Variants in SBF2 observed in about 807,000 individuals in gnomAD.
SBF2 encodes SET binding factor 2.
Under a neutral mutation model 225.2 loss-of-function variants are expected in SBF2, and 112 were observed. The observed-to-expected ratio is 0.50, with a 90% CI of 0.43 to 0.58. The LOEUF is 0.58. SBF2 is among the 20% of genes least tolerant of loss of function. SBF2 has a pLI of 0.00. For synonymous variants in SBF2, 763 were observed against 773.3 expected (o/e 0.99, Z 0.22); for missense variants, 1,996 against 2,206.2 (o/e 0.90, Z 1.91).
intron 13 of SBF2, among the ~76,000 whole-genome samples, chr11:9,971,523 T>A (rs1416214778): frequency 3.3e-5 from 5 of 151,566 alleles, no homozygotes; most frequent in Non-Finnish European, 7.4e-5. Context: ...TACAAAAAAA[T>A]AAAAAATTAG....
At chr11:9,848,062 C>A (rs770343421) in intron 22 of SBF2, among the ~76,000 whole-genome samples, 1 of 149,924 alleles carries the variant, frequency 6.7e-6, no homozygotes, top group Non-Finnish European at 1.5e-5. Context: ...TGGCAATGAA[C>A]AAGGCCTCCC....
intron 18 of SBF2, among the ~76,000 whole-genome samples, chr11:9,857,093 A>G (rs1590236570): frequency 6.6e-6 from 1 of 152,202 alleles, no homozygotes; most frequent in Admixed American, 6.5e-5. Context: ...GGCCTAACAT[A>G]GATGTTTTAA....
intron 2 of SBF2, among the ~76,000 whole-genome samples, chr11:10,055,245 C>T (rs907582486): frequency 1.3e-5 from 2 of 151,962 alleles, no homozygotes; most frequent in African/African-American, 4.8e-5. Flanking sequence ...AAGATGTTGG[C>T]ATGGATGTGG....
rs567993652 is a variant in SBF2 at position 10,065,017 on chromosome 11, A to C, written c.142-22036T>G. Among the ~76,000 whole-genome samples the C allele has an allele frequency of 7.2e-5, 11 of 152,352 alleles. No individual in the cohort carries two copies. In the South Asian group the frequency reaches 2.3e-3, roughly 32 times the overall value. On this transcript the variant is annotated intron_variant, in intron 2 of 39. Coordinates refer to ENST00000256190, the MANE Select transcript of SBF2 (RefSeq NM_030962.4). ...AATTAGTTGCCAAACCAGACCATAT[A>C]CTGGGCCACTAAGTAAGCCACAATA...
intron 2 of SBF2, among the ~76,000 whole-genome samples, chr11:10,175,308 T>G (rs976450300): frequency 1.3e-4 from 19 of 151,180 alleles, no homozygotes; most frequent in African/African-American, 3.9e-4. Context: ...AATAAAAGGA[T>G]GGAGGAAGAT....
At chr11:10,218,489 T>A (rs1182554803) in intron 1 of SBF2, among the ~76,000 whole-genome samples, 1 of 151,878 alleles carries the variant, frequency 6.6e-6, no homozygotes, top group East Asian at 1.9e-4. Context: ...TCTCAACCAA[T>A]CATGCCTTCC....
chr11:10,296,234 T>C (rs753271504), upstream of SBF2, among the ~76,000 whole-genome samples: 4 of 152,208 alleles, frequency 2.6e-5, no homozygotes, highest in Non-Finnish European at 5.9e-5. Context: ...CACATTGAAG[T>C]ATCAATACTT....
chr11:10,160,048 G>A (rs980585104), intron 2 of SBF2, among the ~76,000 whole-genome samples: 1 of 152,104 alleles, frequency 6.6e-6, no homozygotes, highest in Admixed American at 6.5e-5. Flanking sequence ...CAGGCAAGGT[G>A]AACCCCTTGG....
Position 10,091,652 on chromosome 11 carries a change from G to A in SBF2, c.142-48671C>T, listed in dbSNP as rs191231265. 2.0e-5 allele frequency among the ~76,000 whole-genome samples: 3 copies of A among 152,252 alleles called. No individual in the cohort carries two copies. In the East Asian group the frequency reaches 5.8e-4, roughly 29 times the overall value. On this transcript the variant is annotated intron_variant, in intron 2 of 39. Coordinates refer to ENST00000256190, the MANE Select transcript of SBF2 (RefSeq NM_030962.4). ...TTGGGGGTAGGGAGGCTGCATAGAG[G>A]AGGAACTGTATCTCATCATTTATTC...
At chr11:10,216,647 A>G (rs1958142515) in intron 1 of SBF2, among the ~76,000 whole-genome samples, 1 of 152,240 alleles carries the variant, frequency 6.6e-6, no homozygotes, top group African/African-American at 2.4e-5. Context: ...AGGCGGGTGG[A>G]TCACTTGAGG....
At chr11:10,111,440 C>A (rs1952837625) in intron 2 of SBF2, among the ~76,000 whole-genome samples, 1 of 152,176 alleles carries the variant, frequency 6.6e-6, no homozygotes, top group African/African-American at 2.4e-5. Flanking sequence ...ATTTCCAATA[C>A]TATAAAGAAC....
chr11:10,104,867 A>C (rs1185266465), intron 2 of SBF2, among the ~76,000 whole-genome samples: 1 of 152,224 alleles, frequency 6.6e-6, no homozygotes, highest in East Asian at 1.9e-4. Flanking sequence ...ATCGTTTCAG[A>C]AGTCATCTTT....
intron 28 of SBF2, among the ~76,000 whole-genome samples, chr11:9,828,967 C>T (rs1049918927): frequency 6.6e-6 from 1 of 151,976 alleles, no homozygotes; most frequent in Non-Finnish European, 1.5e-5. Context: ...CCCACTTCCT[C>T]TCCAATTACT....
chr11:10,155,495 T>C (rs1371808709), intron 2 of SBF2, among the ~76,000 whole-genome samples: 1 of 152,110 alleles, frequency 6.6e-6, no homozygotes, highest in Admixed American at 6.5e-5. Flanking sequence ...AAGGGGAACT[T>C]TGGGGTAATG....
intron 6 of SBF2, among the ~76,000 whole-genome samples, chr11:10,011,689 T>C (rs928192579): frequency 1.3e-5 from 2 of 152,248 alleles, no homozygotes; most frequent in African/African-American, 4.8e-5. Context: ...CAATGCCTTC[T>C]GGCTCCCGTT....
chr11:9,858,901 T>G (rs566563045), intron 17 of SBF2, among the ~76,000 whole-genome samples: 11 of 152,292 alleles, frequency 7.2e-5, no homozygotes, highest in African/African-American at 2.6e-4. Flanking sequence ...GCACTTTTCC[T>G]ACTGCTCATT....
intron 16 of SBF2, among the ~76,000 whole-genome samples, chr11:9,952,517 G>C (rs565717263): frequency 6.6e-6 from 1 of 152,146 alleles, no homozygotes; most frequent in Non-Finnish European, 1.5e-5. Context: ...TGCTACTTGG[G>C]AAAAGGCTTT....
At chr11:10,036,397 A>T (rs1390681820) in intron 3 of SBF2, among the ~76,000 whole-genome samples, 1 of 152,328 alleles carries the variant, frequency 6.6e-6, no homozygotes, top group South Asian at 2.1e-4. Flanking sequence ...TGTACCCCAG[A>T]ACTTAAAGTA....
At chr11:10,075,421 G>A (rs1197334925) in intron 2 of SBF2, among the ~76,000 whole-genome samples, 6 of 152,168 alleles carry the variant, frequency 3.9e-5, no homozygotes, top group Non-Finnish European at 8.8e-5. Flanking sequence ...GAGAATAATA[G>A]GTAGTTGATA....
Sources: gnomAD v4.1 joint callset for allele counts (sites outside exome capture counted in the v4.1 genomes callset) on GRCh38, gnomAD v4.1.1 for gene constraint, MANE v1.5 for transcripts, NCBI Gene and HGNC (gene_info 2026-07-23, HGNC 2026-07-21) for gene names.